MAML3: variants seen among roughly 807,000 people sequenced by gnomAD.
MAML3 encodes mastermind like transcriptional coactivator 3.
MAML3 carries 27 observed loss-of-function variants against 101.9 expected under a neutral mutation model. That is an observed-to-expected ratio of 0.27 (90% CI 0.20 to 0.37). The LOEUF (loss-of-function observed/expected upper bound fraction) is 0.37, where lower values mean the gene tolerates loss of function less well. Ranked by LOEUF, MAML3 falls within the 10% of genes least tolerant of loss-of-function variation. The pLI is 1.00. For missense variants in MAML3, 1,316 were observed against 1,444.9 expected, an observed-to-expected ratio of 0.91 and a Z score of 1.45; for synonymous variants, 501 against 555.9, an observed-to-expected ratio of 0.90 and a Z score of 1.39.
intron 1 of MAML3, among the ~76,000 whole-genome samples, chr4:140,091,629 A>T (rs1028609306): frequency 1.3e-5 from 2 of 152,074 alleles, no homozygotes; most frequent in South Asian, 2.1e-4. Context: ...CCCATTAGAT[A>T]GTACTTGTAA....
chr4:139,816,237 C>T (rs183175149), intron 2 of MAML3, among the ~76,000 whole-genome samples: 1 of 152,272 alleles, frequency 6.6e-6, no homozygotes, highest in African/African-American at 2.4e-5. Flanking sequence ...GGGATGCAGA[C>T]GGTCACATCA....
At chr4:140,151,700 G>A (rs928906414) in intron 1 of MAML3, among the ~76,000 whole-genome samples, 1 of 149,708 alleles carries the variant, frequency 6.7e-6, no homozygotes, top group Admixed American at 6.8e-5. Flanking sequence ...CGGGGGGGGG[G>A]GGCACACACC....
chr4:139,853,279 C>T lies in MAML3; in HGVS notation c.2079+36078G>A, dbSNP rs144627314. On this transcript the variant is annotated intron_variant, in intron 2 of 4. Coordinates refer to ENST00000509479, the MANE Select transcript of MAML3 (RefSeq NM_018717.5). Reference sequence around the variant, plus strand: ...CTCCTTTCCTCAAGATAATAGTATCCGTTTCCCTTTTGAAAATGGTAAAAA... The same window carrying T: ...CTCCTTTCCTCAAGATAATAGTATCTGTTTCCCTTTTGAAAATGGTAAAAA... Among the ~76,000 whole-genome samples the T allele has an allele frequency of 4.1e-3, 618 of 152,316 alleles. 5 individuals carry two copies. The highest frequency in any genetic ancestry group is 0.017 in the East Asian group (90 of 5,188).
intron 1 of MAML3, among the ~76,000 whole-genome samples, chr4:139,896,653 A>T (rs1162835732): frequency 7.6e-6 from 1 of 131,266 alleles, no homozygotes; most frequent in Admixed American, 8.1e-5. Context: ...TGTGTGTGTG[A>T]GAGAGAGAGA....
At chr4:139,754,959 C>T (rs1213880229) in intron 2 of MAML3, among the ~76,000 whole-genome samples, 1 of 152,246 alleles carries the variant, frequency 6.6e-6, no homozygotes, top group African/African-American at 2.4e-5. Flanking sequence ...CCTTAATCAG[C>T]ACGCTGACAT....
At chr4:139,899,242 C>A (rs564081727) in intron 1 of MAML3, among the ~76,000 whole-genome samples, 2 of 152,094 alleles carry the variant, frequency 1.3e-5, no homozygotes, top group Non-Finnish European at 2.9e-5. Flanking sequence ...AATGTCACTA[C>A]AAAATGTTCC....
chr4:140,019,811 T>C (rs1441650590), intron 1 of MAML3, among the ~76,000 whole-genome samples: 5 of 152,206 alleles, frequency 3.3e-5, no homozygotes, highest in African/African-American at 1.2e-4. Context: ...TTGGGCGAAG[T>C]TGGTATAAAA....
intron 1 of MAML3, among the ~76,000 whole-genome samples, chr4:139,920,599 T>A (rs1307664225): frequency 6.6e-6 from 1 of 152,246 alleles, no homozygotes; most frequent in Non-Finnish European, 1.5e-5. Context: ...TTTTGGTACA[T>A]CCTGTTACAT....
intron 1 of MAML3, among the ~76,000 whole-genome samples, chr4:140,111,728 T>C (rs563585242): frequency 9.2e-5 from 14 of 152,358 alleles, no homozygotes; most frequent in African/African-American, 3.1e-4. Flanking sequence ...ACTTGTCTTC[T>C]GTAATCTTCA....
At chr4:139,946,925 A>ACTCTCTCT (rs869076388) in intron 1 of MAML3, among the ~76,000 whole-genome samples, 1 of 68,132 alleles carries the variant, frequency 1.5e-5, no homozygotes, top group Non-Finnish European at 3.2e-5. Flanking sequence ...ACACACACAC[A>ACTCTCTCT]CTCTCTCTCT....
chr4:139,999,682 T>C (rs191752069), intron 1 of MAML3, among the ~76,000 whole-genome samples: 2 of 152,348 alleles, frequency 1.3e-5, no homozygotes, highest in Non-Finnish European at 1.5e-5. Context: ...TCCCATCCAA[T>C]ATAACTTGTA....
At chr4:139,892,804 G>A (rs936587447) in intron 1 of MAML3, among the ~76,000 whole-genome samples, 1 of 151,800 alleles carries the variant, frequency 6.6e-6, no homozygotes, top group Non-Finnish European at 1.5e-5. Flanking sequence ...GGTGGCGGGC[G>A]CCTTTAGTCC....
At chr4:140,065,008 C>G (rs1438671585) in intron 1 of MAML3, among the ~76,000 whole-genome samples, 1 of 152,144 alleles carries the variant, frequency 6.6e-6, no homozygotes, top group Non-Finnish European at 1.5e-5. Flanking sequence ...AAATTGAAAA[C>G]AGAGATGACA....
chr4:139,734,608 A>G (rs1193252822), intron 2 of MAML3, among the ~76,000 whole-genome samples: 1 of 152,256 alleles, frequency 6.6e-6, no homozygotes, highest in Non-Finnish European at 1.5e-5. Flanking sequence ...TCTAAAGGCT[A>G]GAGTGAGGTA....
rs75523415 is a variant in MAML3 at position 139,773,780 on chromosome 4, G to A, written c.2080-43113C>T. On this transcript the variant is annotated intron_variant, in intron 2 of 4. Transcript: ENST00000509479. ...ATATTGACATAAAGATTGCCAAACC[G>A]CCCACTCTTCAATTCATGTTGTGTG... 7.1e-3 allele frequency among the ~76,000 whole-genome samples: 1,077 copies of A among 152,220 alleles called. 9 individuals carry two copies. The highest frequency in any genetic ancestry group is 0.011 in the Non-Finnish European group (719 of 68,020).
chr4:140,035,390 T>C (rs1250022584), intron 1 of MAML3, among the ~76,000 whole-genome samples: 2 of 152,200 alleles, frequency 1.3e-5, no homozygotes, highest in South Asian at 2.1e-4. Context: ...CAGGTTTTCC[T>C]CCTTGTTTTA....
chr4:140,074,189 G>GAA (rs1206663562), intron 1 of MAML3, among the ~76,000 whole-genome samples: 47 of 117,698 alleles, frequency 4.0e-4, no homozygotes, highest in African/African-American at 1.4e-3. Context: ...GAGAGAGAGA[G>GAA]AGAAAGAAAG....
At chr4:139,915,482 C>T (rs1733009136) in intron 1 of MAML3, among the ~76,000 whole-genome samples, 1 of 152,174 alleles carries the variant, frequency 6.6e-6, no homozygotes, top group Non-Finnish European at 1.5e-5. Context: ...CTCATAGAAC[C>T]TCATGGGCAG....
chr4:139,927,992 A>G (rs78103459), intron 1 of MAML3, among the ~76,000 whole-genome samples: 7,829 of 152,276 alleles, frequency 0.051, 658 homozygotes, highest in African/African-American at 0.17. Flanking sequence ...ATCAACAGAC[A>G]GCGCTCAGTA....
Sources: allele counts gnomAD v4.1 joint callset (sites outside exome capture counted in the v4.1 genomes callset), GRCh38; gene constraint gnomAD v4.1.1; transcripts MANE v1.5; gene names NCBI Gene and HGNC (gene_info 2026-07-23, HGNC 2026-07-21).